The following MAML3 variants were observed in gnomAD, a reference collection of about 807,000 sequenced individuals.
MAML3 encodes mastermind like transcriptional coactivator 3.
Under a neutral mutation model 101.9 loss-of-function variants are expected in MAML3, and 27 were observed. The ratio of observed to expected loss-of-function variants is 0.27; its 90% CI spans 0.20 to 0.37. MAML3 has a LOEUF of 0.37. Ranked by LOEUF, MAML3 falls within the 10% of genes least tolerant of loss-of-function variation. The pLI is 1.00. For synonymous variants in MAML3, 501 were observed against 555.9 expected (o/e 0.90, Z 1.39); for missense variants, 1,316 against 1,444.9 (o/e 0.91, Z 1.45).
intron 2 of MAML3, among the ~76,000 whole-genome samples, chr4:139,750,777 A>C (rs1020579392): frequency 6.6e-6 from 1 of 152,118 alleles, no homozygotes; most frequent in Non-Finnish European, 1.5e-5. Context: ...TTAGCGATAG[A>C]TTTTCATCCT....
At chr4:140,145,734 T>G (rs1729048823) in intron 1 of MAML3, among the ~76,000 whole-genome samples, 1 of 151,652 alleles carries the variant, frequency 6.6e-6, no homozygotes, top group Middle Eastern at 3.2e-3. Flanking sequence ...CCCGGCTAAT[T>G]TTTGTATTTT....
chr4:139,858,050 G>A (rs1424143351), intron 2 of MAML3, among the ~76,000 whole-genome samples: 1 of 152,158 alleles, frequency 6.6e-6, no homozygotes. Flanking sequence ...AAGAGTACTC[G>A]CTTCATTTAC....
chr4:140,083,931 CG>C (rs1727903643), intron 1 of MAML3, among the ~76,000 whole-genome samples: 2 of 65,484 alleles, frequency 3.1e-5, no homozygotes, highest in Non-Finnish European at 5.9e-5. Context: ...CACACACGCG[CG>C]CACACACACA....
chr4:140,113,745 C>T (rs1335258268), intron 1 of MAML3, among the ~76,000 whole-genome samples: 2 of 152,200 alleles, frequency 1.3e-5, no homozygotes, highest in Non-Finnish European at 2.9e-5. Context: ...GCCAGTTTGT[C>T]TACCCAAGTG....
chr4:139,798,034 G>GAGAGAGAGAGAGAGAAAGAAAGAA (rs1308897622), intron 2 of MAML3, among the ~76,000 whole-genome samples: 2 of 124,472 alleles, frequency 1.6e-5, no homozygotes, highest in Non-Finnish European at 3.3e-5. Context: ...AGGAGAGAGA[G>GAGAGAGAGAGAGAGAAAGAAAGAA]AGAAAGAAAG....
At chr4:140,010,218 T>C (rs1726528087) in intron 1 of MAML3, among the ~76,000 whole-genome samples, 1 of 152,242 alleles carries the variant, frequency 6.6e-6, no homozygotes, top group Non-Finnish European at 1.5e-5. Context: ...TGGTTAGTTC[T>C]AGACTTTATT....
intron 2 of MAML3, among the ~76,000 whole-genome samples, chr4:139,842,728 G>A (rs1222011221): frequency 7.3e-6 from 1 of 136,514 alleles, no homozygotes; most frequent in Non-Finnish European, 1.5e-5. Context: ...GTGTTGGTCA[G>A]GCTCGAACTC....
intron 1 of MAML3, among the ~76,000 whole-genome samples, chr4:139,911,497 C>T (rs886064256): frequency 2.2e-4 from 33 of 152,154 alleles, no homozygotes; most frequent in African/African-American, 7.7e-4. Context: ...GAATTACAGG[C>T]GTGAGCCACT....
intron 1 of MAML3, among the ~76,000 whole-genome samples, chr4:139,911,811 A>G (rs1732930671): frequency 6.6e-6 from 1 of 152,196 alleles, no homozygotes; most frequent in Non-Finnish European, 1.5e-5. Context: ...CCAGACAAGA[A>G]TGTGCTGGCA....
chr4:139,865,485 G>A (rs1731877473), intron 2 of MAML3, among the ~76,000 whole-genome samples: 1 of 90,084 alleles, frequency 1.1e-5, no homozygotes, highest in Non-Finnish European at 2.1e-5. Flanking sequence ...TCTGTAAAAG[G>A]TTTTTTTTTT....
intron 1 of MAML3, among the ~76,000 whole-genome samples, chr4:139,990,772 G>A (rs1301997915): frequency 6.6e-6 from 1 of 152,060 alleles, no homozygotes; most frequent in Non-Finnish European, 1.5e-5. Flanking sequence ...CAAACAGAGA[G>A]CCAAATTATG....
intron 1 of MAML3, among the ~76,000 whole-genome samples, chr4:140,074,192 A>AG (rs1491562541): frequency 8.2e-5 from 9 of 109,820 alleles, no homozygotes; most frequent in Non-Finnish European, 1.8e-4. Context: ...AGAGAGAGAG[A>AG]AAGAAAGAGA....
At chr4:140,020,024 G>A (rs1726707197) in intron 1 of MAML3, among the ~76,000 whole-genome samples, 1 of 152,174 alleles carries the variant, frequency 6.6e-6, no homozygotes, top group African/African-American at 2.4e-5. Flanking sequence ...AAGGCTTTAA[G>A]ACACAGGACA....
At chr4:139,866,248 C>T (rs1350474667) in intron 2 of MAML3, among the ~76,000 whole-genome samples, 1 of 152,232 alleles carries the variant, frequency 6.6e-6, no homozygotes, top group Non-Finnish European at 1.5e-5. Flanking sequence ...AGGATGAGGC[C>T]TGTGGTACAT....
intron 2 of MAML3, among the ~76,000 whole-genome samples, chr4:139,862,266 A>T (rs1196141531): frequency 1.3e-5 from 2 of 152,210 alleles, no homozygotes; most frequent in Non-Finnish European, 2.9e-5. Flanking sequence ...CCCAGAGATT[A>T]AGAGTTCATT....
intron 1 of MAML3, among the ~76,000 whole-genome samples, chr4:139,952,739 C>A (rs4863708): frequency 0.3 from 45,870 of 152,058 alleles, 7,961 homozygotes; most frequent in East Asian, 0.63. Context: ...TGACTTAGTT[C>A]TTGACAAAAG....
At chr4:140,026,750 C>T (rs1297464037) in intron 1 of MAML3, among the ~76,000 whole-genome samples, 1 of 152,080 alleles carries the variant, frequency 6.6e-6, no homozygotes, top group Non-Finnish European at 1.5e-5. Context: ...TTTTGCATCC[C>T]AGTTTTCTCA....
At chr4:140,075,016 C>T (rs991801605) in intron 1 of MAML3, among the ~76,000 whole-genome samples, 1 of 152,136 alleles carries the variant, frequency 6.6e-6, no homozygotes, top group African/African-American at 2.4e-5. Flanking sequence ...ATCTAAAACA[C>T]TTCTGGTCCC....
intron 2 of MAML3, among the ~76,000 whole-genome samples, chr4:139,761,255 C>T (rs1729752726): frequency 6.6e-6 from 1 of 152,080 alleles, no homozygotes; most frequent in African/African-American, 2.4e-5. Flanking sequence ...CCGCTACACC[C>T]GGCCCTAGAG....
Sources: allele counts gnomAD v4.1 joint callset (sites outside exome capture counted in the v4.1 genomes callset), GRCh38; gene constraint gnomAD v4.1.1; transcripts MANE v1.5; gene names NCBI Gene and HGNC (gene_info 2026-07-23, HGNC 2026-07-21).